The following CDH4 variants were observed in gnomAD, a reference collection of about 807,000 sequenced individuals.
The protein encoded by CDH4 is cadherin-4.
Under a neutral mutation model 86.0 loss-of-function variants are expected in CDH4, and 33 were observed. The observed-to-expected ratio is 0.38, with a 90% confidence interval of 0.29 to 0.51. The LOEUF is 0.51. CDH4 is among the 20% of genes least tolerant of loss of function. The probability of loss-of-function intolerance (pLI) is 0.86; values close to 1 mark genes in which losing one functional copy is unlikely to be tolerated. For missense variants in CDH4, 1,114 were observed against 1,307.4 expected (o/e 0.85, Z 2.28); for synonymous variants, 555 against 549.4 (o/e 1.01, Z -0.14).
chr20:61,527,104 C>T (rs1338363916), intron 2 of CDH4, among the ~76,000 whole-genome samples: 11 of 152,236 alleles, frequency 7.2e-5, no homozygotes. Flanking sequence ...GAACTACGCG[C>T]ACATACAGAG....
chr20:61,818,604 A>G (rs1033668600), intron 4 of CDH4, among the ~76,000 whole-genome samples: 1 of 151,686 alleles, frequency 6.6e-6, no homozygotes, highest in African/African-American at 2.4e-5. Context: ...CTTGAGTCCC[A>G]GAGTTCCAGG....
intron 2 of CDH4, among the ~76,000 whole-genome samples, chr20:61,346,474 T>C (rs772709125): frequency 1.3e-5 from 2 of 152,188 alleles, no homozygotes; most frequent in Non-Finnish European, 2.9e-5. Flanking sequence ...CCGGGCATGG[T>C]GGCTCACGCC....
intron 2 of CDH4, chr20:61,435,637 G>C (rs2085276960): frequency 6.6e-6 from 1 of 152,378 alleles, no homozygotes; most frequent in Admixed American, 6.5e-5. Flanking sequence ...CAACACCTGG[G>C]TTGAGCCCAG....
intron 2 of CDH4, 91 bp from the exon 3 acceptor site, chr20:61,743,472 G>A: frequency 5.5e-6 from 5 of 916,204 alleles, no homozygotes; most frequent in South Asian, 1.5e-5. Flanking sequence ...TGCCCACTGG[G>A]GGCCTGTAGG....
chr20:61,667,670 G>A (rs551653180), intron 2 of CDH4, among the ~76,000 whole-genome samples: 38 of 152,196 alleles, frequency 2.5e-4, no homozygotes, highest in South Asian at 1.9e-3. Context: ...ACCTGCACAC[G>A]TGCATGCACA....
intron 2 of CDH4, among the ~76,000 whole-genome samples, chr20:61,449,586 CT>C (rs2085369299): frequency 6.6e-6 from 1 of 152,194 alleles, no homozygotes; most frequent in Admixed American, 6.5e-5. Context: ...AGAATTCCAA[CT>C]TTTATTGCTT....
At chr20:61,369,521 TAGATTAGA>T (rs1236383621) in intron 2 of CDH4, among the ~76,000 whole-genome samples, 1 of 149,082 alleles carries the variant, frequency 6.7e-6, no homozygotes, top group African/African-American at 2.5e-5. Flanking sequence ...GTTGGGTCTG[TAGATTAGA>T]AGATGGCATT....
At chr20:61,296,369 G>A (rs1303078981) in intron 2 of CDH4, among the ~76,000 whole-genome samples, 1 of 151,876 alleles carries the variant, frequency 6.6e-6, no homozygotes, top group East Asian at 1.9e-4. Flanking sequence ...CTACCTGCCT[G>A]ACTCTTTTCT....
Position 61,605,575 on chromosome 20 carries a change from C to T in CDH4, c.170-137988C>T, listed in dbSNP as rs1338981028. Among the ~76,000 whole-genome samples the T allele has an allele frequency of 2.0e-5, 3 of 151,954 alleles. No individual in the cohort carries two copies. In the South Asian group the frequency reaches 6.3e-4, roughly 32 times the overall value. On this transcript the variant is annotated intron_variant, in intron 2 of 15. Coordinates refer to ENST00000614565, the MANE Select transcript of CDH4 (RefSeq NM_001794.5). The stretch of plus-strand genomic sequence containing the variant: ...TCTCCCTGTTTCTCCCTCTCTCTGT[C>T]TCTGCCTCCCTGTCTCTCCCTCTGT...
At chr20:61,733,270 C>T (rs1212519586) in intron 2 of CDH4, among the ~76,000 whole-genome samples, 1 of 152,180 alleles carries the variant, frequency 6.6e-6, no homozygotes, top group Admixed American at 6.5e-5. Flanking sequence ...CAGCCATTTA[C>T]ATGCCCAGGG....
rs540815343 is a variant in CDH4, at chr20:61,252,966, G to A, written c.57+396G>A. On this transcript the variant is annotated intron_variant, in intron 1 of 15. Coordinates refer to ENST00000614565, the MANE Select transcript of CDH4 (RefSeq NM_001794.5). This position sits in a 1 kb window ranked among gnomAD's most constrained non-coding sequence, Gnocchi z 4.4. ...CCGGGAGCCGCGCGCCGCGGGAGTT[G>A]CCGAGCCCAGCCCCGGCCGTGGCTG... Among the ~76,000 whole-genome samples, 52 of 151,906 alleles carry A rather than the reference G, an allele frequency of 3.4e-4. No homozygotes were observed. In the South Asian group the frequency reaches 7.9e-3, roughly 23 times the overall value.
chr20:61,282,524 A>G (rs78889060), intron 2 of CDH4, among the ~76,000 whole-genome samples: 1,718 of 146,956 alleles, frequency 0.012, 29 homozygotes, highest in African/African-American at 0.041. Flanking sequence ...AACCACTTTT[A>G]ATCTTTGGCA....
chr20:61,760,457 G>T (rs961761656), intron 3 of CDH4, among the ~76,000 whole-genome samples: 2 of 152,188 alleles, frequency 1.3e-5, no homozygotes, highest in African/African-American at 2.4e-5. Context: ...GAACGGTGAG[G>T]GCTGAGAGCC....
intron 2 of CDH4, among the ~76,000 whole-genome samples, chr20:61,275,700 C>T (rs867668793): frequency 4.7e-5 from 7 of 149,324 alleles, no homozygotes; most frequent in South Asian, 2.1e-4. Context: ...GGGGGAGTAC[C>T]GTGCGCAGTT....
At chr20:61,762,834 C>T (rs2088652285) in intron 3 of CDH4, among the ~76,000 whole-genome samples, 1 of 152,224 alleles carries the variant, frequency 6.6e-6, no homozygotes, top group Non-Finnish European at 1.5e-5. Context: ...GTAATGAGAG[C>T]CAGCAGTTAC....
chr20:61,851,336 G>A (rs773946321), intron 5 of CDH4, among the ~76,000 whole-genome samples: 1 of 152,192 alleles, frequency 6.6e-6, no homozygotes, highest in East Asian at 1.9e-4. Flanking sequence ...ATTCCACTCT[G>A]GATGGTTGGA....
At position 61,386,292 on chromosome 20, in the gene CDH4, A is replaced by C. The variant is rs1207037476; in HGVS notation, c.169+131355A>C. Among the ~76,000 whole-genome samples the C allele has an allele frequency of 5.3e-5, 8 of 152,148 alleles. 1 individual carries two copies. The highest frequency in any genetic ancestry group is 4.6e-4 in the Admixed American group (7 of 15,280). ...AAACCTCTCGGTCTCCTCCAAAGGC[A>C]TGGCCTCCCTGATGCTGACAGTGCT... On this transcript the variant is annotated intron_variant, in intron 2 of 15. Coordinates refer to ENST00000614565, the MANE Select transcript of CDH4 (RefSeq NM_001794.5).
chr20:61,506,706 C>T (rs2085743597), intron 2 of CDH4, among the ~76,000 whole-genome samples: 1 of 152,142 alleles, frequency 6.6e-6, no homozygotes, highest in Non-Finnish European at 1.5e-5. Context: ...CCAACTCTAG[C>T]GTAGGGTCGA....
chr20:61,940,488 TG>T lies in CDH4; in HGVS notation c.*3546del, dbSNP rs930042620. On this transcript the variant is annotated 3_prime_UTR_variant, in exon 16 of 16. Transcript: ENST00000614565. ...AAAGGAAAAAAAAAGGGAAGAGAGT[TG>T]ATGTTTTCAGTGTGTTTCCAGTGCC... is the stretch of plus-strand genomic sequence containing the variant. 151 of 151,106 alleles carry T rather than the reference TG, an allele frequency of 1.0e-3. No homozygotes were observed. The highest frequency in any genetic ancestry group is 3.3e-3 in the African/African-American group (136 of 41,236). The allele number at this position is 151,106 out of a possible 1,614,324, so 9.4% of individuals were successfully genotyped here. A position where few individuals can be genotyped will look rare whatever the true frequency, so the allele number is the denominator to read the frequency against.
Sources: gnomAD v4.1 joint callset for allele counts (sites outside exome capture counted in the v4.1 genomes callset) on GRCh38, gnomAD v4.1.1 for gene constraint, Gnocchi (gnomAD v3.1) non-coding constraint, MANE v1.5 for transcripts, NCBI Gene and HGNC (gene_info 2026-07-23, HGNC 2026-07-21) for gene names.